MEMO1: variants seen among roughly 807,000 people sequenced by gnomAD.
MEMO1 encodes protein MEMO1.
MEMO1 carries 6 observed loss-of-function variants against 45.2 expected under a neutral mutation model. The ratio of observed to expected loss-of-function variants is 0.13; its 90% CI spans 0.07 to 0.26. The LOEUF is 0.26. Ranked by LOEUF, MEMO1 falls within the 10% of genes least tolerant of loss-of-function variation. The pLI is 1.00. For synonymous variants in MEMO1, 78 were observed against 124.3 expected (o/e 0.63, Z 2.48); for missense variants, 184 against 370.5 (o/e 0.50, Z 4.13).
chr2:31,980,935 C>A (rs1035103276), intron 2 of MEMO1, among the ~76,000 whole-genome samples: 4 of 152,190 alleles, frequency 2.6e-5, no homozygotes, highest in Admixed American at 2.6e-4. Context: ...ATACGGTAGT[C>A]TCAGCAGCAA....
intron 2 of MEMO1, among the ~76,000 whole-genome samples, chr2:31,949,915 C>T (rs1162002393): frequency 6.6e-6 from 1 of 151,718 alleles, no homozygotes; most frequent in Non-Finnish European, 1.5e-5. Flanking sequence ...GCTATGTACC[C>T]GCAAAAAATA....
chr2:31,912,507 C>A, intron 6 of MEMO1, among the ~76,000 whole-genome samples: 1 of 115,620 alleles, frequency 8.6e-6, no homozygotes, highest in Admixed American at 9.8e-5. Flanking sequence ...GAATGAAACT[C>A]TGTCTCAAAA....
chr2:31,889,724 C>T (rs542152036), intron 7 of MEMO1, among the ~76,000 whole-genome samples: 118 of 151,964 alleles, frequency 7.8e-4, no homozygotes, highest in Non-Finnish European at 1.6e-3. Context: ...CCCAGAACCC[C>T]AACATATTTC....
chr2:31,952,251 A>T (rs533881160), intron 2 of MEMO1, among the ~76,000 whole-genome samples: 1 of 152,340 alleles, frequency 6.6e-6, no homozygotes, highest in East Asian at 1.9e-4. Context: ...TAATTTATGT[A>T]AATATTTTAA....
intron 6 of MEMO1, among the ~76,000 whole-genome samples, chr2:31,897,542 C>T (rs1179300844): frequency 6.6e-6 from 1 of 152,128 alleles, no homozygotes; most frequent in Non-Finnish European, 1.5e-5. Flanking sequence ...TATGTTGAAC[C>T]AGCCTTGCAT....
At chr2:32,003,645 A>C (rs1673682204) in intron 2 of MEMO1, among the ~76,000 whole-genome samples, 1 of 152,264 alleles carries the variant, frequency 6.6e-6, no homozygotes, top group Admixed American at 6.5e-5. Flanking sequence ...TAAAAAGAGA[A>C]AGCTCTTAGA....
At chr2:31,963,228 C>T (rs1668230940) in intron 2 of MEMO1, 6 of 1,547,146 alleles carry the variant, frequency 3.9e-6, no homozygotes, top group Non-Finnish European at 4.4e-6. Flanking sequence ...CTTGTCAGCC[C>T]TCCATAATGG....
intron 6 of MEMO1, among the ~76,000 whole-genome samples, chr2:31,914,631 T>C (rs1419668994): frequency 6.6e-6 from 1 of 151,964 alleles, no homozygotes; most frequent in Non-Finnish European, 1.5e-5. Flanking sequence ...CCACAAAAAT[T>C]AAAAAATTTG....
At chr2:31,902,499 T>A (rs887573980) in intron 6 of MEMO1, among the ~76,000 whole-genome samples, 1 of 151,528 alleles carries the variant, frequency 6.6e-6, no homozygotes, top group Non-Finnish European at 1.5e-5. Context: ...AGAAAATCCA[T>A]CCCTGCCACT....
Position 31,925,292 on chromosome 2 carries a change from T to C in MEMO1, c.213-4382A>G, listed in dbSNP as rs563229981. ...GGAGATCGAGACCATCTGGCTAACA[T>C]GGTGAAACCCCATCTCTACTAAAAA... On this transcript the variant is annotated intron_variant, in intron 4 of 9. Coordinates refer to ENST00000404530, the MANE Select transcript of MEMO1 (RefSeq NM_001301833.4). Among the ~76,000 whole-genome samples, 23 of 151,952 alleles carry C rather than the reference T, an allele frequency of 1.5e-4. No individual in the cohort carries two copies. In the South Asian group the frequency reaches 4.6e-3, roughly 30 times the overall value.
intron 2 of MEMO1, among the ~76,000 whole-genome samples, chr2:31,985,788 A>G (rs1671187256): frequency 6.6e-6 from 1 of 152,206 alleles, no homozygotes; most frequent in South Asian, 2.1e-4. Flanking sequence ...TAACTTAATA[A>G]TCTAGCAGAA....
At position 31,907,435 on chromosome 2, in the gene MEMO1, A is replaced by G. The variant is rs114136855; in HGVS notation, c.437+10491T>C. ...ATATTTGAAAAATTCAATTTAACCA[A>G]AATTTTAAAAATCTTAAAATGTTGA... is the stretch of plus-strand genomic sequence containing the variant. On this transcript the variant is annotated intron_variant, in intron 6 of 9. Transcript: ENST00000404530. Among the ~76,000 whole-genome samples, 620 of 152,308 alleles carry G rather than the reference A, an allele frequency of 4.1e-3. 7 individuals are homozygous for G. The highest frequency in any genetic ancestry group is 0.015 in the African/African-American group (608 of 41,566).
chr2:31,944,496 T>C (rs67550529), intron 2 of MEMO1, among the ~76,000 whole-genome samples: 32,228 of 152,112 alleles, frequency 0.21, 3,572 homozygotes, highest in Middle Eastern at 0.36. Context: ...TCACCCTAAA[T>C]TGAGAAGATA....
At chr2:31,909,783 C>T (rs1024935988) in intron 6 of MEMO1, among the ~76,000 whole-genome samples, 2 of 151,936 alleles carry the variant, frequency 1.3e-5, no homozygotes, top group Admixed American at 1.3e-4. Context: ...AAAGGTATAA[C>T]ACATATAAAA....
At chr2:31,900,375 T>C (rs555978829) in intron 6 of MEMO1, among the ~76,000 whole-genome samples, 2 of 152,316 alleles carry the variant, frequency 1.3e-5, no homozygotes, top group Non-Finnish European at 2.9e-5. Flanking sequence ...TTCATGTCCT[T>C]TGCAGGGACA....
chr2:31,945,687 G>A (rs961709326), intron 2 of MEMO1, among the ~76,000 whole-genome samples: 3 of 152,096 alleles, frequency 2.0e-5, no homozygotes, highest in South Asian at 2.1e-4. Context: ...CAAGAGAGAC[G>A]GCACCCTTAT....
chr2:31,889,783 A>G (rs1443961213), intron 7 of MEMO1, among the ~76,000 whole-genome samples: 1 of 152,106 alleles, frequency 6.6e-6, no homozygotes, highest in African/African-American at 2.4e-5. Context: ...GAAAACATTT[A>G]ATGAGTATTA....
At chr2:31,929,871 A>G (rs1251328862) in intron 4 of MEMO1, among the ~76,000 whole-genome samples, 3 of 152,246 alleles carry the variant, frequency 2.0e-5, no homozygotes, top group Non-Finnish European at 4.4e-5. Context: ...GCCTCTTTCA[A>G]GAGAATTCAA....
chr2:32,009,617 C>A (rs572465034), intron 2 of MEMO1, among the ~76,000 whole-genome samples: 1 of 152,336 alleles, frequency 6.6e-6, no homozygotes, highest in Admixed American at 6.5e-5. Context: ...CGGCTGCGGG[C>A]GCGGGGGCTC....
Sources: allele counts gnomAD v4.1 joint callset (sites outside exome capture counted in the v4.1 genomes callset), GRCh38; gene constraint gnomAD v4.1.1; transcripts MANE v1.5; gene names NCBI Gene and HGNC (gene_info 2026-07-23, HGNC 2026-07-21).